SMOC2: variants seen among roughly 807,000 people sequenced by gnomAD.
The protein encoded by SMOC2 is SPARC-related modular calcium-binding protein 2.
In SMOC2, 39 loss-of-function variants were observed where a neutral mutation model predicts 61.4. That is an observed-to-expected ratio of 0.64 (90% CI 0.49 to 0.83). SMOC2 has a LOEUF of 0.83. Among genes scored for constraint, SMOC2 ranks in the 40% least tolerant of loss-of-function variants. The pLI, the probability that SMOC2 is intolerant of heterozygous loss-of-function variation, is 0.00. For synonymous variants in SMOC2, 247 were observed against 239.9 expected (o/e 1.03, Z -0.27); for missense variants, 556 against 592.9 (o/e 0.94, Z 0.65).
intron 4 of SMOC2, among the ~76,000 whole-genome samples, chr6:168,530,492 A>G (rs1375960334): frequency 1.3e-5 from 2 of 152,194 alleles, no homozygotes; most frequent in East Asian, 1.9e-4. Context: ...TTATAAAGGA[A>G]AAAATCCTGA....
At chr6:168,638,531 T>C (rs909626510) in intron 9 of SMOC2, among the ~76,000 whole-genome samples, 5 of 152,148 alleles carry the variant, frequency 3.3e-5, no homozygotes, top group African/African-American at 9.7e-5. Flanking sequence ...CTGGAGGGAA[T>C]GCTTTCAGCG....
intron 1 of SMOC2, among the ~76,000 whole-genome samples, chr6:168,463,401 C>T (rs548793052): frequency 1.3e-5 from 2 of 152,270 alleles, no homozygotes; most frequent in Admixed American, 6.5e-5. Context: ...ACACGAGGCT[C>T]ATTCCCCAGT....
At chr6:168,663,375 C>G (rs142545756) in intron 11 of SMOC2, among the ~76,000 whole-genome samples, 130 of 152,298 alleles carry the variant, frequency 8.5e-4, no homozygotes, top group African/African-American at 3.1e-3. Context: ...ACACGTTCAT[C>G]TCTCCTGATT....
intron 6 of SMOC2, 131 bp from the exon 7 acceptor site, chr6:168,548,998 C>T (rs1314897149): frequency 1.5e-6 from 1 of 686,138 alleles, no homozygotes; most frequent in African/African-American, 1.8e-5. Context: ...GTAACTATTT[C>T]TTTACAAATG....
At chr6:168,632,687 T>C (rs888229280) in intron 9 of SMOC2, among the ~76,000 whole-genome samples, 1 of 152,238 alleles carries the variant, frequency 6.6e-6, no homozygotes, top group Non-Finnish European at 1.5e-5. Flanking sequence ...CTTGTGTTTA[T>C]GCAATTTCTG....
At chr6:168,587,545 A>G (rs760152827) in intron 7 of SMOC2, among the ~76,000 whole-genome samples, 1 of 152,228 alleles carries the variant, frequency 6.6e-6, no homozygotes, top group Non-Finnish European at 1.5e-5. Context: ...TGAGTCTCTG[A>G]TGAGCCTTTC....
At chr6:168,645,173 G>T (rs1786990483) in intron 9 of SMOC2, among the ~76,000 whole-genome samples, 2 of 152,176 alleles carry the variant, frequency 1.3e-5, no homozygotes, top group South Asian at 4.1e-4. Context: ...TTCTGGAGAA[G>T]GAGAGAAGGA....
chr6:168,639,215 G>A (rs537802600), intron 9 of SMOC2, among the ~76,000 whole-genome samples: 1 of 152,282 alleles, frequency 6.6e-6, no homozygotes, highest in South Asian at 2.1e-4. Flanking sequence ...GGCATGTGTA[G>A]ATGTAAAGAA....
chr6:168,598,790 T>C (rs752834828), intron 7 of SMOC2, 28 bp from the exon 8 acceptor site: 2 of 1,612,330 alleles, frequency 1.2e-6, no homozygotes, highest in Admixed American at 3.3e-5. Flanking sequence ...TGGATCCTGC[T>C]CACCTTTTGC....
At chr6:168,597,732 G>A (rs1785367626) in intron 7 of SMOC2, among the ~76,000 whole-genome samples, 1 of 152,230 alleles carries the variant, frequency 6.6e-6, no homozygotes, top group Admixed American at 6.5e-5. Context: ...GCTTCCTTCA[G>A]GCTGAGCAGA....
chr6:168,494,811 G>A (rs1782549228), intron 1 of SMOC2, among the ~76,000 whole-genome samples: 1 of 152,218 alleles, frequency 6.6e-6, no homozygotes, highest in Non-Finnish European at 1.5e-5. Flanking sequence ...GGAAGGGCGG[G>A]CACCACTTCG....
In SMOC2 at chr6:168,482,547, C is replaced by A. The variant is rs189145561; in HGVS notation, c.85-27368C>A. On this transcript the variant is annotated intron_variant, in intron 1 of 12. Coordinates refer to ENST00000356284, the MANE Select transcript of SMOC2 (RefSeq NM_001166412.2). ...TAAGAAGAGGGAACACTTTCTAATT[C>A]TTTGTATGAGGCCAGTATTATTCTG... is the stretch of plus-strand genomic sequence containing the variant. 5.3e-5 allele frequency among the ~76,000 whole-genome samples: 8 copies of A among 152,166 alleles called. No homozygotes were observed. The East Asian group carries it at 1.5e-3, about 29-fold the overall frequency.
intron 7 of SMOC2, among the ~76,000 whole-genome samples, chr6:168,569,934 A>G (rs1379292650): frequency 6.6e-6 from 1 of 152,228 alleles, no homozygotes; most frequent in Non-Finnish European, 1.5e-5. Context: ...ACCGAATCCA[A>G]GGTCACCTAG....
chr6:168,488,536 T>TC (rs1446417549), intron 1 of SMOC2, among the ~76,000 whole-genome samples: 1 of 152,198 alleles, frequency 6.6e-6, no homozygotes, highest in African/African-American at 2.4e-5. Flanking sequence ...GCAGGGTGCG[T>TC]CCATCTGCTG....
intron 1 of SMOC2, among the ~76,000 whole-genome samples, chr6:168,488,382 T>TAACA: frequency 2.0e-5 from 3 of 152,318 alleles, no homozygotes; most frequent in Middle Eastern, 6.8e-3. Context: ...TGGACTGCTG[T>TAACA]AACAACATAC....
intron 9 of SMOC2, among the ~76,000 whole-genome samples, chr6:168,633,710 A>G (rs986628298): frequency 6.6e-6 from 1 of 152,136 alleles, no homozygotes; most frequent in Non-Finnish European, 1.5e-5. Context: ...TGAAAGCAGG[A>G]GGGTGTTCTT....
chr6:168,608,160 C>G lies in SMOC2; in HGVS notation c.828C>G (p.Tyr276Ter). ...GRPIPGTSTR[Y>*]EQPKCDNTAR... is the part of the protein sequence containing the mutation. ...CCCGCCTTCCCCCCGCCCATAGGTACGAGCAGCCGAAATGTGACAACACGG... is the reference window on the plus strand; with the variant it reads ...CCCGCCTTCCCCCCGCCCATAGGTAGGAGCAGCCGAAATGTGACAACACGG... Residue 276 changes from tyrosine to a stop codon, truncating the protein, a stop_gained, in exon 9 of 13, where the codon TAC (tyrosine) becomes TAG (stop). Coordinates refer to ENST00000356284, the MANE Select transcript of SMOC2 (RefSeq NM_001166412.2). LOFTEE classifies it high-confidence loss of function. 1.2e-6 allele frequency: 2 copies of G among 1,613,566 alleles called. No homozygotes were observed. The highest frequency in any genetic ancestry group is 1.7e-6 in the Non-Finnish European group (2 of 1,179,840).
At chr6:168,602,337 G>T (rs573162878) in intron 8 of SMOC2, among the ~76,000 whole-genome samples, 9 of 152,274 alleles carry the variant, frequency 5.9e-5, no homozygotes, top group East Asian at 1.9e-4. Flanking sequence ...TGTTGTTTTG[G>T]TCTGTTCTGC....
In SMOC2 at chr6:168,597,430, A is replaced by G. The variant is rs573161031; in HGVS notation, c.638-1388A>G. 1.7e-4 allele frequency among the ~76,000 whole-genome samples: 26 copies of G among 152,328 alleles called. No homozygotes were observed. The South Asian group carries it at 5.4e-3, about 32-fold the overall frequency. On this transcript the variant is annotated intron_variant, in intron 7 of 12. Transcript: ENST00000356284. ...CTTTTAGCATTGGAAAAATTATGCAATAGCTAACATTTGTGGAACTGTGTC... is the reference window on the plus strand; with the variant it reads ...CTTTTAGCATTGGAAAAATTATGCAGTAGCTAACATTTGTGGAACTGTGTC...
Sources: allele counts gnomAD v4.1 joint callset (sites outside exome capture counted in the v4.1 genomes callset), GRCh38; gene constraint gnomAD v4.1.1; transcripts MANE v1.5; gene names NCBI Gene and HGNC (gene_info 2026-07-23, HGNC 2026-07-21).